The following CD247 variants were observed in gnomAD, a reference collection of about 807,000 sequenced individuals.
CD247 encodes the protein CD247 molecule.
A neutral mutation model predicts 30.0 loss-of-function variants in CD247; 13 were observed. That is an observed-to-expected ratio of 0.43 (90% CI 0.28 to 0.69). The LOEUF is 0.69. Ranked by LOEUF, CD247 falls within the 30% of genes least tolerant of loss-of-function variation. CD247 has a pLI of 0.16. For missense variants in CD247, 193 were observed against 212.6 expected, an observed-to-expected ratio of 0.91 and a Z score of 0.57; for synonymous variants, 72 against 80.0, an observed-to-expected ratio of 0.90 and a Z score of 0.53.
chr1:167,437,353 C>T (rs1009172893), intron 4 of CD247, among the ~76,000 whole-genome samples: 2 of 151,538 alleles, frequency 1.3e-5, no homozygotes, highest in African/African-American at 2.4e-5. Flanking sequence ...TGTGGTGAGC[C>T]GAGACTGTGC....
At chr1:167,469,460 A>G (rs898917154) in intron 1 of CD247, among the ~76,000 whole-genome samples, 1 of 152,214 alleles carries the variant, frequency 6.6e-6, no homozygotes, top group Non-Finnish European at 1.5e-5. Flanking sequence ...GTCCTCTGGC[A>G]TTGGATTACT....
chr1:167,433,938 G>A, intron 6 of CD247, 82 bp downstream of exon 6: 1 of 1,236,296 alleles, frequency 8.1e-7, no homozygotes, highest in Non-Finnish European at 1.2e-6. Flanking sequence ...GATGAGAAGT[G>A]GATGGGAAAG....
At chr1:167,453,962 T>TCAAAAA (rs927107682) in intron 1 of CD247, among the ~76,000 whole-genome samples, 5 of 151,846 alleles carry the variant, frequency 3.3e-5, no homozygotes, top group Non-Finnish European at 5.9e-5. Context: ...AGACCCTGCC[T>TCAAAAA]CAAAAACAAA....
intron 1 of CD247, among the ~76,000 whole-genome samples, chr1:167,514,098 A>G (rs138235608): frequency 1.5e-3 from 230 of 152,146 alleles, no homozygotes; most frequent in Non-Finnish European, 2.3e-3. Flanking sequence ...TCCTTCATTC[A>G]CTCACCTTTT....
At chr1:167,460,743 CCT>C in intron 1 of CD247, among the ~76,000 whole-genome samples, 1 of 152,270 alleles carries the variant, frequency 6.6e-6, no homozygotes, top group East Asian at 1.9e-4. Context: ...CCTCCAGCCC[CCT>C]GACCCCCCGA....
chr1:167,487,834 A>G lies in CD247; in HGVS notation c.58+30574T>C, dbSNP rs1464975595. ...TGGCCTCAAATTCCTGGGCTCAATCAATCCTTCTGCCTCAGCCTCCTGAGT... is the reference window on the plus strand; with the variant it reads ...TGGCCTCAAATTCCTGGGCTCAATCGATCCTTCTGCCTCAGCCTCCTGAGT... On this transcript the variant is annotated intron_variant, in intron 1 of 7. Coordinates refer to ENST00000362089, the MANE Select transcript of CD247 (RefSeq NM_198053.3). 2.0e-5 allele frequency among the ~76,000 whole-genome samples: 3 copies of G among 152,318 alleles called. No individual in the cohort carries two copies. In the East Asian group the frequency reaches 5.8e-4, roughly 29 times the overall value.
intron 1 of CD247, among the ~76,000 whole-genome samples, chr1:167,516,615 G>T (rs7549528): frequency 6.6e-6 from 1 of 152,088 alleles, no homozygotes; most frequent in Admixed American, 6.5e-5. Context: ...TCTCTGAGTC[G>T]CGCTTTGCCT....
chr1:167,515,134 C>T (rs1477110443), intron 1 of CD247, among the ~76,000 whole-genome samples: 1 of 152,082 alleles, frequency 6.6e-6, no homozygotes, highest in African/African-American at 2.4e-5. Context: ...CAGAGCTAGG[C>T]GATTGGAGGG....
chr1:167,494,478 T>G lies in CD247; in HGVS notation c.58+23930A>C, dbSNP rs1654594069. On this transcript the variant is annotated intron_variant, in intron 1 of 7. Transcript: ENST00000362089. This position sits in a 1 kb window ranked among gnomAD's most constrained non-coding sequence, Gnocchi z 7.3. ...TCGCATAGCTCCCTGGGCTGCAGTTTTCCCATCTGTGATATGGGGATAATG... is the reference window on the plus strand; with the variant it reads ...TCGCATAGCTCCCTGGGCTGCAGTTGTCCCATCTGTGATATGGGGATAATG... 6.6e-6 allele frequency among the ~76,000 whole-genome samples: 1 copy of G among 152,136 alleles called. No homozygotes were observed. The highest frequency in any genetic ancestry group is 1.5e-5 in the Non-Finnish European group (1 of 68,020).
At chr1:167,468,403 A>G (rs571238140) in intron 1 of CD247, among the ~76,000 whole-genome samples, 1 of 152,318 alleles carries the variant, frequency 6.6e-6, no homozygotes, top group African/African-American at 2.4e-5. Context: ...TTTATTATTG[A>G]ACAGAGTCAA....
chr1:167,459,770 G>A (rs1447601225), intron 1 of CD247: 1 of 152,176 alleles, frequency 6.6e-6, no homozygotes, highest in East Asian at 1.9e-4. Context: ...TGTGGCTAAA[G>A]TTCTGTTTTA....
At chr1:167,467,535 TG>T (rs1439486245) in intron 1 of CD247, among the ~76,000 whole-genome samples, 1 of 152,232 alleles carries the variant, frequency 6.6e-6, no homozygotes, top group African/African-American at 2.4e-5. Flanking sequence ...AGCGCTGAAC[TG>T]TTTACGTTCC....
At position 167,453,389 on chromosome 1, in the gene CD247, C is replaced by T. The variant is rs186000862; in HGVS notation, c.59-12622G>A. ...CTTGCCGGGCCTTTGTTCTTTCTCA[C>T]GCAGCACACTGCCCTCAAGTTTTGC... On this transcript the variant is annotated intron_variant, in intron 1 of 7. Coordinates refer to ENST00000362089, the MANE Select transcript of CD247 (RefSeq NM_198053.3). Among the ~76,000 whole-genome samples, 10 of 152,234 alleles carry T rather than the reference C, an allele frequency of 6.6e-5. No individual in the cohort carries two copies. The East Asian group carries it at 1.9e-3, about 29-fold the overall frequency.
chr1:167,479,339 G>T (rs917514674), intron 1 of CD247, among the ~76,000 whole-genome samples: 4 of 152,156 alleles, frequency 2.6e-5, no homozygotes, highest in African/African-American at 9.7e-5. Context: ...GGAGGAGTGG[G>T]ATTAATTGGA....
At chr1:167,453,924 A>G (rs992481734) in intron 1 of CD247, among the ~76,000 whole-genome samples, 5 of 152,180 alleles carry the variant, frequency 3.3e-5, no homozygotes, top group Admixed American at 6.6e-5. Flanking sequence ...TGATCATGCC[A>G]CTACCCTCCA....
intron 3 of CD247, 28 bp downstream of exon 3, chr1:167,439,316 C>T: frequency 6.2e-7 from 1 of 1,609,888 alleles, no homozygotes; most frequent in Non-Finnish European, 8.5e-7. Context: ...CCTTCCTTTC[C>T]GGAGGGTCTA....
intron 1 of CD247, among the ~76,000 whole-genome samples, chr1:167,491,376 C>T (rs1220269444): frequency 6.6e-6 from 1 of 152,130 alleles, no homozygotes; most frequent in Non-Finnish European, 1.5e-5. Context: ...CGAGACCAGC[C>T]TGACCAACAT....
chr1:167,477,681 C>T (rs1278536823), intron 1 of CD247, among the ~76,000 whole-genome samples: 2 of 152,162 alleles, frequency 1.3e-5, no homozygotes, highest in Non-Finnish European at 2.9e-5. Context: ...AGGTGTGCAC[C>T]ACCACTTTTG....
At chr1:167,439,160 G>C (rs1238620225) in intron 3 of CD247, among the ~76,000 whole-genome samples, 184 bp downstream of exon 3, 1 of 152,208 alleles carries the variant, frequency 6.6e-6, no homozygotes, top group Non-Finnish European at 1.5e-5. Context: ...CGCCCTTTGA[G>C]ACAGGTACAA....
Sources: gnomAD v4.1 joint callset for allele counts (sites outside exome capture counted in the v4.1 genomes callset) on GRCh38, gnomAD v4.1.1 for gene constraint, Gnocchi (gnomAD v3.1) non-coding constraint, MANE v1.5 for transcripts, NCBI Gene and HGNC (gene_info 2026-07-23, HGNC 2026-07-21) for gene names.